OLA1: variants seen among roughly 807,000 people sequenced by gnomAD.
OLA1 encodes the protein Obg like ATPase 1, also known as obg-like ATPase 1.
Under a neutral mutation model 48.4 loss-of-function variants are expected in OLA1, and 14 were observed. The observed-to-expected ratio is 0.29, with a 90% CI of 0.19 to 0.45. The LOEUF (loss-of-function observed/expected upper bound fraction) is 0.45. Ranked by LOEUF, OLA1 falls within the 20% of genes least tolerant of loss-of-function variation. The pLI is 1.00. For missense variants in OLA1, 325 were observed against 467.1 expected (o/e 0.70, Z 2.80); for synonymous variants, 127 against 150.4 (o/e 0.84, Z 1.14).
At chr2:174,192,035 C>G (rs772855930) in intron 4 of OLA1, among the ~76,000 whole-genome samples, 1 of 152,138 alleles carries the variant, frequency 6.6e-6, no homozygotes, top group Non-Finnish European at 1.5e-5. Flanking sequence ...CTTACTCCAG[C>G]TATTCTTTCT....
intron 7 of OLA1, among the ~76,000 whole-genome samples, chr2:174,095,416 T>C (rs1382634153): frequency 2.0e-5 from 3 of 151,182 alleles, no homozygotes; most frequent in African/African-American, 7.3e-5. Flanking sequence ...GTGGTTTTGA[T>C]TTGCATTTCT....
intron 4 of OLA1, among the ~76,000 whole-genome samples, chr2:174,146,231 T>C (rs1191466327): frequency 3.3e-5 from 5 of 152,192 alleles, no homozygotes; most frequent in African/African-American, 1.2e-4. Context: ...TTATTCTAGC[T>C]GTAATGGGAA....
At chr2:174,078,927 T>C in intron 10 of OLA1, 41 bp downstream of exon 10, 1 of 1,575,442 alleles carries the variant, frequency 6.3e-7, no homozygotes, top group Non-Finnish European at 8.6e-7. Flanking sequence ...TTCGCATCAG[T>C]GGAAACATTG....
In OLA1 at chr2:174,075,410, G is replaced by A. The variant is rs771164602; in HGVS notation, c.*16C>T. ...CCTTTTGGAAGTTGTATGTTTATCTGAGCAATAACTAAATTTTATTTCTTC... is the reference window on the plus strand; with the variant it reads ...CCTTTTGGAAGTTGTATGTTTATCTAAGCAATAACTAAATTTTATTTCTTC... On this transcript the variant is annotated 3_prime_UTR_variant, in exon 11 of 11. Coordinates refer to ENST00000284719, the MANE Select transcript of OLA1 (RefSeq NM_013341.5). 6.8e-7 allele frequency: 1 copy of A among 1,463,332 alleles called. No homozygotes were observed. Among genetic ancestry groups the A allele is most frequent in the South Asian group, 1.2e-5 (1 of 86,912 alleles). 90.6% of individuals were successfully genotyped at this position (1,463,332 alleles called of 1,614,324 possible). A position where few individuals can be genotyped will look rare whatever the true frequency, so the allele number is the denominator to read the frequency against.
chr2:174,130,343 A>G (rs775655227), intron 5 of OLA1, among the ~76,000 whole-genome samples: 4 of 152,210 alleles, frequency 2.6e-5, no homozygotes, highest in Admixed American at 6.5e-5. Context: ...GCTCTACATG[A>G]CTATGCGTGT....
intron 4 of OLA1, among the ~76,000 whole-genome samples, chr2:174,192,071 T>C (rs916008861): frequency 7.2e-5 from 11 of 152,234 alleles, no homozygotes; most frequent in Non-Finnish European, 2.9e-5. Context: ...TGACTTGTGC[T>C]AAGGATTTTT....
chr2:174,095,325 GTTT>G (rs1205716344), intron 7 of OLA1, among the ~76,000 whole-genome samples: 1,427 of 77,970 alleles, frequency 0.018, 13 homozygotes, highest in African/African-American at 0.048. Flanking sequence ...GTTATTTCCT[GTTT>G]TTTTTTTTTT....
chr2:174,173,084 A>T (rs1687344482), intron 4 of OLA1, among the ~76,000 whole-genome samples: 1 of 152,202 alleles, frequency 6.6e-6, no homozygotes, highest in South Asian at 2.1e-4. Flanking sequence ...CCATGAGCCA[A>T]AATAAACTTA....
intron 5 of OLA1, among the ~76,000 whole-genome samples, chr2:174,135,443 C>T (rs991904467): frequency 6.6e-6 from 1 of 151,998 alleles, no homozygotes; most frequent in Admixed American, 6.6e-5. Context: ...AAGCTACAGA[C>T]AAAAAGATCA....
At chr2:174,191,548 G>A (rs1200729154) in intron 4 of OLA1, among the ~76,000 whole-genome samples, 1 of 151,802 alleles carries the variant, frequency 6.6e-6, no homozygotes, top group Non-Finnish European at 1.5e-5. Context: ...TTGAACTACT[G>A]GGCTGAAGTG....
intron 4 of OLA1, among the ~76,000 whole-genome samples, chr2:174,155,309 C>T (rs141213716): frequency 7.2e-5 from 11 of 152,192 alleles, no homozygotes; most frequent in African/African-American, 1.7e-4. Flanking sequence ...AATGAAAGAA[C>T]GCCTCAAGCA....
rs761407656 is a variant in OLA1, at chr2:174,075,476, C to T, written c.1141G>A (p.Asp381Asn). Residue 381 changes from aspartate to asparagine, a missense_variant, in exon 11 of 11, where the codon GAT becomes AAT. Transcript: ENST00000284719. ...QGRNYIVEDG[D>N]IIFFKFNTPQ... ...GTGTTAAATTTGAAGAAGATAATAT[C>T]TCCATCTTCAACAATATAATTTCTG... is the stretch of plus-strand genomic sequence containing the variant. 3.7e-6 allele frequency: 6 copies of T among 1,611,010 alleles called. No homozygotes were observed.
intron 4 of OLA1, among the ~76,000 whole-genome samples, chr2:174,174,738 T>C (rs1334625524): frequency 6.6e-6 from 1 of 151,942 alleles, no homozygotes; most frequent in African/African-American, 2.4e-5. Flanking sequence ...AAGTCAAAAA[T>C]CAATGAAATT....
At chr2:174,242,385 G>A (rs752754676) in intron 2 of OLA1, among the ~76,000 whole-genome samples, 2 of 152,338 alleles carry the variant, frequency 1.3e-5, no homozygotes, top group Non-Finnish European at 2.9e-5. Context: ...TGACCTGACC[G>A]GAGGTGGAGC....
At position 174,211,180 on chromosome 2, in the gene OLA1, A is replaced by AACACAC. The variant is rs10563036; in HGVS notation, c.373+11847_373+11852dup. Among the ~76,000 whole-genome samples the AACACAC allele has an allele frequency of 2.5e-3, 366 of 148,738 alleles. 2 individuals carry two copies. The highest frequency in any genetic ancestry group is 6.8e-3 in the African/African-American group (278 of 40,678). ...CTTAGCCTCCCTTCCTCCTCCCCACAACACACACACACACACACACACACA... is the reference window on the plus strand; with the variant it reads ...CTTAGCCTCCCTTCCTCCTCCCCACAACACACACACACACACACACACACACACACA... On this transcript the variant is annotated intron_variant, in intron 4 of 10. Coordinates refer to ENST00000284719, the MANE Select transcript of OLA1 (RefSeq NM_013341.5).
chr2:174,149,657 T>C (rs1160740713), intron 4 of OLA1, among the ~76,000 whole-genome samples: 1 of 152,200 alleles, frequency 6.6e-6, no homozygotes, highest in African/African-American at 2.4e-5. Context: ...GTGAGATACA[T>C]TTGACTATTC....
intron 4 of OLA1, among the ~76,000 whole-genome samples, chr2:174,155,507 G>A (rs899974576): frequency 6.6e-6 from 1 of 152,106 alleles, no homozygotes; most frequent in African/African-American, 2.4e-5. Flanking sequence ...ATAAAACATG[G>A]CAAACTACAG....
intron 4 of OLA1, among the ~76,000 whole-genome samples, chr2:174,176,281 A>G (rs1300062892): frequency 6.6e-6 from 1 of 152,154 alleles, no homozygotes; most frequent in Non-Finnish European, 1.5e-5. Flanking sequence ...AAAGTTCAAC[A>G]TTATAGGCTG....
At chr2:174,141,026 G>T (rs1359686468) in intron 5 of OLA1, among the ~76,000 whole-genome samples, 1 of 152,102 alleles carries the variant, frequency 6.6e-6, no homozygotes, top group Non-Finnish European at 1.5e-5. Flanking sequence ...CCGCCTCCCG[G>T]GTTCAAGCAA....
Sources: gnomAD v4.1 joint callset for allele counts (sites outside exome capture counted in the v4.1 genomes callset) on GRCh38, gnomAD v4.1.1 for gene constraint, MANE v1.5 for transcripts, NCBI Gene and HGNC (gene_info 2026-07-23, HGNC 2026-07-21) for gene names.